SH3RF3: variants seen among roughly 807,000 people sequenced by gnomAD.
SH3RF3 encodes the protein SH3 domain containing ring finger 3, also known as E3 ubiquitin-protein ligase SH3RF3.
A neutral mutation model predicts 66.3 loss-of-function variants in SH3RF3; 29 were observed. That is an observed-to-expected ratio of 0.44 (90% CI 0.33 to 0.60). The LOEUF is 0.60. SH3RF3 is among the 20% of genes least tolerant of loss of function. The pLI, the probability that SH3RF3 is intolerant of heterozygous loss-of-function variation, is 0.04. For synonymous variants in SH3RF3, 583 were observed against 532.0 expected, an observed-to-expected ratio of 1.10 and a Z score of -1.32; for missense variants, 1,194 against 1,190.9, an observed-to-expected ratio of 1.00 and a Z score of -0.04.
intron 1 of SH3RF3, among the ~76,000 whole-genome samples, chr2:109,287,434 G>T (rs1304506713): frequency 6.6e-6 from 1 of 152,136 alleles, no homozygotes; most frequent in Non-Finnish European, 1.5e-5. Context: ...TTTTCTTGAG[G>T]TGCTTAGGTA....
intron 8 of SH3RF3, among the ~76,000 whole-genome samples, chr2:109,461,225 C>T (rs1481459696): frequency 6.6e-6 from 1 of 152,230 alleles, no homozygotes; most frequent in Non-Finnish European, 1.5e-5. Context: ...CAGATAACAC[C>T]AGTTCACAGT....
At position 109,362,953 on chromosome 2, in the gene SH3RF3, ATATT is replaced by A. The variant is rs762282940; in HGVS notation, c.850-8630_850-8627del. ...TTGCTGTTAATCTGCTTGTGTGTGT[ATATT>A]TAAAGTAGATTTCTTGTAAACAACA... On this transcript the variant is annotated intron_variant, in intron 2 of 9. Transcript: ENST00000309415. Among the ~76,000 whole-genome samples, 48 of 152,118 alleles carry A rather than the reference ATATT, an allele frequency of 3.2e-4. 1 individual carries two copies. The highest frequency in any genetic ancestry group is 5.9e-4 in the Non-Finnish European group (40 of 68,006).
At chr2:109,491,943 C>G (rs904503280) in intron 9 of SH3RF3, among the ~76,000 whole-genome samples, 1 of 152,156 alleles carries the variant, frequency 6.6e-6, no homozygotes, top group Non-Finnish European at 1.5e-5. Context: ...GGGAATGAGA[C>G]GGGGTCTATC....
intron 6 of SH3RF3, among the ~76,000 whole-genome samples, chr2:109,433,370 T>A (rs1157274186): frequency 1.3e-5 from 2 of 152,274 alleles, no homozygotes; most frequent in East Asian, 1.9e-4. Context: ...TCAGTTCTAC[T>A]ACTTTTATCA....
chr2:109,412,262 A>G (rs1280379942), intron 4 of SH3RF3, among the ~76,000 whole-genome samples: 1 of 152,162 alleles, frequency 6.6e-6, no homozygotes, highest in African/African-American at 2.4e-5. Flanking sequence ...GGCCAAACAC[A>G]TTGCCCCCCT....
intron 3 of SH3RF3, among the ~76,000 whole-genome samples, chr2:109,372,675 G>A (rs1315282167): frequency 6.6e-6 from 1 of 152,186 alleles, no homozygotes; most frequent in East Asian, 1.9e-4. Flanking sequence ...GGGCCTCTTG[G>A]CCCTAGACTC....
intron 4 of SH3RF3, among the ~76,000 whole-genome samples, chr2:109,402,628 T>C (rs1676345980): frequency 6.6e-6 from 1 of 152,174 alleles, no homozygotes. Flanking sequence ...CGGGACCCAG[T>C]GTGTCCATTC....
intron 1 of SH3RF3, among the ~76,000 whole-genome samples, chr2:109,329,991 GAGAGAATGTTGACC>G (rs968404406): frequency 1.3e-5 from 2 of 152,192 alleles, no homozygotes; most frequent in African/African-American, 4.8e-5. Flanking sequence ...GACTAGCATT[GAGAGAATGTTGACC>G]AGAAAAAGTC....
intron 1 of SH3RF3, among the ~76,000 whole-genome samples, chr2:109,140,018 C>T (rs773167615): frequency 6.6e-6 from 1 of 152,166 alleles, no homozygotes; most frequent in African/African-American, 2.4e-5. Context: ...TGACTCATGA[C>T]GTTGAAACTG....
At chr2:109,361,867 A>G (rs62152246) in intron 2 of SH3RF3, among the ~76,000 whole-genome samples, 2 of 152,218 alleles carry the variant, frequency 1.3e-5, no homozygotes. Context: ...TGGACATAGC[A>G]TTATTCATAA....
chr2:109,430,573 G>T (rs973214556), intron 5 of SH3RF3, among the ~76,000 whole-genome samples: 1 of 150,288 alleles, frequency 6.7e-6, no homozygotes, highest in East Asian at 2.0e-4. Context: ...ACCTCTCCCC[G>T]TTCTCCTCTC....
At chr2:109,484,108 T>C (rs1678906889) in intron 8 of SH3RF3, among the ~76,000 whole-genome samples, 1 of 148,052 alleles carries the variant, frequency 6.8e-6, no homozygotes, top group South Asian at 2.2e-4. Context: ...CGCTCTTGTC[T>C]CCTAGGCTGG....
At chr2:109,314,848 A>G (rs1484816380) in intron 1 of SH3RF3, among the ~76,000 whole-genome samples, 1 of 152,214 alleles carries the variant, frequency 6.6e-6, no homozygotes, top group African/African-American at 2.4e-5. Flanking sequence ...CAGACCACCA[A>G]AATATTAGAG....
chr2:109,414,035 G>T (rs1004687405), intron 4 of SH3RF3, among the ~76,000 whole-genome samples: 2 of 152,244 alleles, frequency 1.3e-5, no homozygotes, highest in Non-Finnish European at 2.9e-5. Flanking sequence ...AATGGACAAT[G>T]ACATTCCCTC....
At position 109,332,428 on chromosome 2, in the gene SH3RF3, A is replaced by G. The variant is rs1009947816; in HGVS notation, c.574-15246A>G. 4.6e-5 allele frequency among the ~76,000 whole-genome samples: 7 copies of G among 152,284 alleles called. No individual in the cohort carries two copies. In the East Asian group the frequency reaches 5.8e-4, roughly 13 times the overall value. On this transcript the variant is annotated intron_variant, in intron 1 of 9. Coordinates refer to ENST00000309415, the MANE Select transcript of SH3RF3 (RefSeq NM_001099289.3). ...TCCCCCAGCACCCCGAGCAGGGTGC[A>G]GGTCTTCCTGGACGGGCTTGGGGCT... is the stretch of plus-strand genomic sequence containing the variant.
At chr2:109,328,953 A>AG (rs1192624078) in intron 1 of SH3RF3, among the ~76,000 whole-genome samples, 10 of 152,144 alleles carry the variant, frequency 6.6e-5, no homozygotes, top group African/African-American at 2.4e-4. Context: ...GGTCATGACA[A>AG]GCTTGGCCAC....
Position 109,225,422 on chromosome 2 carries a change from A to C in SH3RF3, c.573+95309A>C, listed in dbSNP as rs1266480420. 3.9e-5 allele frequency among the ~76,000 whole-genome samples: 6 copies of C among 152,222 alleles called. No homozygotes were observed. In the East Asian group the frequency reaches 1.2e-3, roughly 29 times the overall value. ...CGAAATCTGCACGTTAACAGGTTTCACAACGATTCTCACACAAACAACTCC... is the reference window on the plus strand; with the variant it reads ...CGAAATCTGCACGTTAACAGGTTTCCCAACGATTCTCACACAAACAACTCC... On this transcript the variant is annotated intron_variant, in intron 1 of 9. Transcript: ENST00000309415.
intron 1 of SH3RF3, among the ~76,000 whole-genome samples, chr2:109,180,478 C>G (rs960591620): frequency 6.6e-6 from 1 of 152,286 alleles, no homozygotes; most frequent in Middle Eastern, 3.4e-3. Flanking sequence ...TGGTTTGGCT[C>G]TGTATCCCCA....
At chr2:109,397,055 GC>G (rs1676167148) in intron 3 of SH3RF3, among the ~76,000 whole-genome samples, 1 of 152,322 alleles carries the variant, frequency 6.6e-6, no homozygotes, top group South Asian at 2.1e-4. Context: ...TGGCCTAGGT[GC>G]CTCTGTGGTG....
Sources: gnomAD v4.1 joint callset for allele counts (sites outside exome capture counted in the v4.1 genomes callset) on GRCh38, gnomAD v4.1.1 for gene constraint, MANE v1.5 for transcripts, NCBI Gene and HGNC (gene_info 2026-07-23, HGNC 2026-07-21) for gene names.